The following RFX3 variants were observed in gnomAD, a reference collection of about 807,000 sequenced individuals.
RFX3 encodes transcription factor RFX3.
Under a neutral mutation model 98.6 loss-of-function variants are expected in RFX3, and 14 were observed. The ratio of observed to expected loss-of-function variants is 0.14; its 90% CI spans 0.09 to 0.22. The LOEUF is 0.22. Among genes scored for constraint, RFX3 ranks in the 10% least tolerant of loss-of-function variants. RFX3 has a pLI of 1.00. For missense variants in RFX3, 639 were observed against 926.9 expected, an observed-to-expected ratio of 0.69 and a Z score of 4.03; for synonymous variants, 383 against 328.4, an observed-to-expected ratio of 1.17 and a Z score of -1.80.
intron 2 of RFX3, among the ~76,000 whole-genome samples, chr9:3,388,145 G>A (rs1452969025): frequency 6.6e-6 from 1 of 151,982 alleles, no homozygotes; most frequent in Non-Finnish European, 1.5e-5. Context: ...CTCAGAATAT[G>A]GCAAACAGAA....
At chr9:3,257,303 C>T in intron 13 of RFX3, 104 bp from the exon 14 acceptor site, 1 of 873,878 alleles carries the variant, frequency 1.1e-6, no homozygotes, top group Non-Finnish European at 1.8e-6. Context: ...ATAATAAAAG[C>T]TTCACACAGT....
At chr9:3,426,422 G>C (rs1386263161) in intron 1 of RFX3, among the ~76,000 whole-genome samples, 5 of 151,260 alleles carry the variant, frequency 3.3e-5, no homozygotes, top group African/African-American at 1.2e-4. Context: ...CAGTGGTATA[G>C]AACAAGGGTC....
Position 3,431,522 on chromosome 9 carries a change from C to G in RFX3, c.-8-35926G>C, listed in dbSNP as rs564705799. Among the ~76,000 whole-genome samples, 4 of 152,180 alleles carry G rather than the reference C, an allele frequency of 2.6e-5. No individual in the cohort carries two copies. In the East Asian group the frequency reaches 7.7e-4, roughly 29 times the overall value. ...AGTTACGCCAACAGGTATGAAAACC[C>G]CGCACTTTTTGCAAATTACCCTTTT... On this transcript the variant is annotated intron_variant, in intron 1 of 16. Coordinates refer to ENST00000617270, the MANE Select transcript of RFX3 (RefSeq NM_001282116.2).
chr9:3,238,200 T>C (rs1264784857), intron 15 of RFX3, among the ~76,000 whole-genome samples: 23 of 152,182 alleles, frequency 1.5e-4, no homozygotes, highest in Non-Finnish European at 3.2e-4. Context: ...CATAAGATGG[T>C]GATTTTAAAA....
chr9:3,416,547 G>A (rs61098538), intron 1 of RFX3, among the ~76,000 whole-genome samples: 5,569 of 152,220 alleles, frequency 0.037, 356 homozygotes, highest in African/African-American at 0.13. Context: ...AATTCTCAAA[G>A]TTCCCATATG....
intron 11 of RFX3, 122 bp from the exon 12 acceptor site, chr9:3,266,427 C>T: frequency 2.2e-6 from 1 of 449,510 alleles, no homozygotes; most frequent in Non-Finnish European, 3.9e-6. Context: ...ATATTGTCCT[C>T]ATTGATGAAA....
chr9:3,420,078 C>G (rs1331793807), intron 1 of RFX3, among the ~76,000 whole-genome samples: 1 of 152,158 alleles, frequency 6.6e-6, no homozygotes, highest in Non-Finnish European at 1.5e-5. Flanking sequence ...CGTCGGGGCC[C>G]GCAGCACCAC....
intron 2 of RFX3, among the ~76,000 whole-genome samples, chr9:3,374,640 T>C (rs1838246032): frequency 6.6e-6 from 1 of 152,186 alleles, no homozygotes; most frequent in Non-Finnish European, 1.5e-5. Context: ...TGATTCTACT[T>C]ATATGGCAAC....
intron 1 of RFX3, among the ~76,000 whole-genome samples, chr9:3,494,144 G>C (rs1302204050): frequency 6.6e-6 from 1 of 152,054 alleles, no homozygotes; most frequent in Non-Finnish European, 1.5e-5. Flanking sequence ...CTTGTTAGAA[G>C]ACACTATAGA....
At chr9:3,241,251 G>C (rs1250174666) in intron 15 of RFX3, among the ~76,000 whole-genome samples, 1 of 147,742 alleles carries the variant, frequency 6.8e-6, no homozygotes, top group Non-Finnish European at 1.5e-5. Flanking sequence ...CCAGAGTAAA[G>C]AAATCTAATG....
At chr9:3,416,869 T>C (rs1238683717) in intron 1 of RFX3, among the ~76,000 whole-genome samples, 3 of 152,050 alleles carry the variant, frequency 2.0e-5, no homozygotes, top group African/African-American at 7.2e-5. Context: ...GGCAACACAG[T>C]AGATTTAAAT....
chr9:3,508,081 G>A (rs140644826), intron 1 of RFX3, among the ~76,000 whole-genome samples: 3 of 152,040 alleles, frequency 2.0e-5, no homozygotes, highest in East Asian at 3.9e-4. Context: ...AGAGGGAAAC[G>A]TAAAACTCTG....
chr9:3,334,899 C>T (rs1032399742), intron 3 of RFX3, among the ~76,000 whole-genome samples: 13 of 152,024 alleles, frequency 8.6e-5, no homozygotes, highest in African/African-American at 3.1e-4. Context: ...ATGGGTGGAT[C>T]ACCTGAGGTC....
intron 7 of RFX3, among the ~76,000 whole-genome samples, chr9:3,286,789 T>C (rs1438445301): frequency 6.6e-6 from 1 of 151,926 alleles, no homozygotes; most frequent in African/African-American, 2.4e-5. Context: ...TTGATTCTCC[T>C]TCTGTAATAC....
intron 1 of RFX3, among the ~76,000 whole-genome samples, chr9:3,448,555 C>A (rs1172825354): frequency 6.6e-6 from 1 of 152,124 alleles, no homozygotes; most frequent in African/African-American, 2.4e-5. Flanking sequence ...TTCTGTCGCC[C>A]AGGCTAGACT....
At chr9:3,275,415 T>A in intron 9 of RFX3, 85 bp downstream of exon 9, 1 of 750,510 alleles carries the variant, frequency 1.3e-6, no homozygotes, top group South Asian at 1.6e-5. Context: ...TCACCTGTCC[T>A]TTAGGAATAA....
At chr9:3,318,357 C>T (rs957894245) in intron 4 of RFX3, among the ~76,000 whole-genome samples, 5 of 152,062 alleles carry the variant, frequency 3.3e-5, no homozygotes, top group Non-Finnish European at 7.4e-5. Flanking sequence ...GAACATCACA[C>T]TCCGGGCACT....
intron 2 of RFX3, among the ~76,000 whole-genome samples, chr9:3,358,565 T>G (rs901462157): frequency 5.3e-5 from 8 of 152,192 alleles, no homozygotes; most frequent in Non-Finnish European, 1.0e-4. Context: ...TTCTTTACAC[T>G]ACCTACCAAG....
chr9:3,516,319 A>T (rs1283587717), intron 1 of RFX3, among the ~76,000 whole-genome samples: 1 of 152,208 alleles, frequency 6.6e-6, no homozygotes, highest in Non-Finnish European at 1.5e-5. Flanking sequence ...AAGTGCTGGG[A>T]TTACAGGCAT....
Sources: allele counts gnomAD v4.1 joint callset (sites outside exome capture counted in the v4.1 genomes callset), GRCh38; gene constraint gnomAD v4.1.1; transcripts MANE v1.5; gene names NCBI Gene and HGNC (gene_info 2026-07-23, HGNC 2026-07-21).